Variants in CCDC171 observed in about 807,000 individuals in gnomAD.
CCDC171 encodes the protein coiled-coil domain-containing protein 171.
A neutral mutation model predicts 168.2 loss-of-function variants in CCDC171; 177 were observed. The observed-to-expected ratio is 1.05, with a 90% CI of 0.93 to 1.19. The LOEUF (loss-of-function observed/expected upper bound fraction) is 1.19, where lower values mean the gene tolerates loss of function less well. Ranked by LOEUF, CCDC171 falls within the 50% of genes most tolerant of loss-of-function variation. The pLI, the probability that CCDC171 is intolerant of heterozygous loss-of-function variation, is 0.00. For missense variants in CCDC171, 1,991 were observed against 1,539.0 expected, an observed-to-expected ratio of 1.29 and a Z score of -4.91; for synonymous variants, 687 against 540.8, an observed-to-expected ratio of 1.27 and a Z score of -3.75.
chr9:15,827,838 A>AT (rs1277803443), intron 21 of CCDC171, among the ~76,000 whole-genome samples: 1 of 152,010 alleles, frequency 6.6e-6, no homozygotes, highest in Non-Finnish European at 1.5e-5. Flanking sequence ...CTTCTAAGTA[A>AT]TTTTTTTGTG....
At chr9:15,679,890 C>G (rs1295668715) in intron 10 of CCDC171, among the ~76,000 whole-genome samples, 2 of 152,104 alleles carry the variant, frequency 1.3e-5, no homozygotes, top group Non-Finnish European at 2.9e-5. Flanking sequence ...TCAGGTTATT[C>G]ATTTCTTTTA....
At chr9:15,759,020 G>T (rs2056298653) in intron 18 of CCDC171, among the ~76,000 whole-genome samples, 2 of 152,122 alleles carry the variant, frequency 1.3e-5, no homozygotes, top group Admixed American at 1.3e-4. Context: ...CGCTGCAAAG[G>T]ATATGATTTC....
intron 6 of CCDC171, among the ~76,000 whole-genome samples, chr9:15,598,684 G>A (rs2042579289): frequency 6.6e-6 from 1 of 152,126 alleles, no homozygotes; most frequent in African/African-American, 2.4e-5. Flanking sequence ...GCAGAGCTGA[G>A]TTCAATTCCT....
At position 15,896,831 on chromosome 9, in the gene CCDC171, T is replaced by C. The variant is rs572638044; in HGVS notation, c.3600+22168T>C. Among the ~76,000 whole-genome samples the C allele has an allele frequency of 1.4e-4, 21 of 152,208 alleles. No homozygotes were observed. The South Asian group carries it at 3.3e-3, about 24-fold the overall frequency. On this transcript the variant is annotated intron_variant, in intron 24 of 25. Transcript: ENST00000380701. ...AGTCTATAAAGGAATAAAATTCTTG[T>C]ATATGTACACAAACCCTAATACATG...
chr9:15,950,714 A>G (rs1263932134), intron 25 of CCDC171, among the ~76,000 whole-genome samples: 1 of 152,116 alleles, frequency 6.6e-6, no homozygotes, highest in Non-Finnish European at 1.5e-5. Context: ...CACTGCATGA[A>G]CTAATGAGCA....
intron 3 of CCDC171, among the ~76,000 whole-genome samples, chr9:15,576,783 G>C (rs943379654): frequency 1.3e-5 from 2 of 152,188 alleles, no homozygotes; most frequent in African/African-American, 2.4e-5. Context: ...CAGTTCTTCT[G>C]CTATATAAGC....
At chr9:15,909,241 A>T (rs1232274203) in intron 24 of CCDC171, among the ~76,000 whole-genome samples, 1 of 152,194 alleles carries the variant, frequency 6.6e-6, no homozygotes, top group East Asian at 1.9e-4. Context: ...GCCTAACTGT[A>T]GTTGGTGTTA....
intron 3 of CCDC171, among the ~76,000 whole-genome samples, chr9:16,009,661 A>G (rs954056693): frequency 1.3e-5 from 2 of 152,230 alleles, no homozygotes; most frequent in Admixed American, 6.5e-5. Context: ...TCAAATTGGT[A>G]GAAAATTGAG....
chr9:15,979,128 A>G (rs1376692354), intron 3 of CCDC171, among the ~76,000 whole-genome samples: 1 of 152,186 alleles, frequency 6.6e-6, no homozygotes, highest in Non-Finnish European at 1.5e-5. Flanking sequence ...TTGTTTATTC[A>G]TTCACCATTT....
chr9:15,757,031 G>A (rs977570205), intron 18 of CCDC171, among the ~76,000 whole-genome samples: 1 of 152,092 alleles, frequency 6.6e-6, no homozygotes, highest in Non-Finnish European at 1.5e-5. Flanking sequence ...GTGTGAAAAT[G>A]GACTAACTAA....
chr9:15,919,078 T>G (rs573629193), intron 24 of CCDC171, among the ~76,000 whole-genome samples: 99 of 151,700 alleles, frequency 6.5e-4, no homozygotes, highest in African/African-American at 2.3e-3. Flanking sequence ...AGCAATAATA[T>G]GCAACAGTAG....
intron 3 of CCDC171, among the ~76,000 whole-genome samples, chr9:16,000,762 G>A (rs1476144259): frequency 1.3e-5 from 2 of 151,772 alleles, no homozygotes; most frequent in Non-Finnish European, 2.9e-5. Flanking sequence ...ATGTGCAGAA[G>A]TGTATGACAA....
At chr9:15,890,913 TTA>T (rs1490017426) in intron 24 of CCDC171, among the ~76,000 whole-genome samples, 1 of 152,146 alleles carries the variant, frequency 6.6e-6, no homozygotes. Flanking sequence ...ATTTGCTGTA[TTA>T]TATCAGAATC....
chr9:15,953,465 C>T (rs900932787), intron 25 of CCDC171, among the ~76,000 whole-genome samples: 3 of 152,120 alleles, frequency 2.0e-5, no homozygotes, highest in Admixed American at 2.0e-4. Flanking sequence ...CATTCTGTTA[C>T]TGTGGTGTAT....
chr9:15,844,186 T>A (rs1388189300), intron 21 of CCDC171, among the ~76,000 whole-genome samples: 2 of 152,076 alleles, frequency 1.3e-5, no homozygotes, highest in Non-Finnish European at 2.9e-5. Flanking sequence ...TGTCATTCAG[T>A]TGGAAATATT....
At chr9:15,610,528 T>A (rs1294763982) in intron 6 of CCDC171, among the ~76,000 whole-genome samples, 1 of 135,582 alleles carries the variant, frequency 7.4e-6, no homozygotes, top group Non-Finnish European at 1.5e-5. Context: ...TTCGGGAGGC[T>A]GAGGCAGGAG....
At chr9:15,654,953 G>T (rs2047810271) in intron 7 of CCDC171, among the ~76,000 whole-genome samples, 1 of 152,160 alleles carries the variant, frequency 6.6e-6, no homozygotes, top group South Asian at 2.1e-4. Flanking sequence ...AACACCGCCT[G>T]TTCTCACTCT....
the CCDC171 span, among the ~76,000 whole-genome samples, chr9:16,073,914 T>C: frequency 6.6e-6 from 1 of 152,232 alleles, no homozygotes; most frequent in Admixed American, 6.5e-5. Flanking sequence ...AAAATTTCAC[T>C]TAACCTTCTT....
intron 11 of CCDC171, among the ~76,000 whole-genome samples, chr9:15,697,517 CT>C (rs1216501448): frequency 2.0e-5 from 3 of 152,254 alleles, no homozygotes; most frequent in Non-Finnish European, 1.5e-5. Flanking sequence ...TAAAACAGCT[CT>C]GTGCCTTTAT....
Sources: allele counts gnomAD v4.1 joint callset (sites outside exome capture counted in the v4.1 genomes callset), GRCh38; gene constraint gnomAD v4.1.1; transcripts MANE v1.5; gene names NCBI Gene and HGNC (gene_info 2026-07-23, HGNC 2026-07-21).